The following MAP3K2 variants were observed in gnomAD, a reference collection of about 807,000 sequenced individuals.
MAP3K2 encodes mitogen-activated protein kinase kinase kinase 2.
A neutral mutation model predicts 80.3 loss-of-function variants in MAP3K2; 24 were observed. The ratio of observed to expected loss-of-function variants is 0.30; its 90% CI spans 0.22 to 0.42. MAP3K2 has a LOEUF of 0.42. MAP3K2 is among the 10% of genes least tolerant of loss of function. The pLI is 1.00. For missense variants in MAP3K2, 608 were observed against 750.1 expected, an observed-to-expected ratio of 0.81 and a Z score of 2.21; for synonymous variants, 244 against 253.7, an observed-to-expected ratio of 0.96 and a Z score of 0.36.
Position 127,307,498 on chromosome 2 carries a change from A to T in MAP3K2, c.*81T>A. Reference sequence around the variant, plus strand: ...TTTTCTCCCCCATCTCTCTTTTTTTATAAAAAAGAAAAGTGCAGTCAGAGA... The same window carrying T: ...TTTTCTCCCCCATCTCTCTTTTTTTTTAAAAAAGAAAAGTGCAGTCAGAGA... On this transcript the variant is annotated 3_prime_UTR_variant, in exon 17 of 17. Transcript: ENST00000682094. This position sits in a 1 kb window ranked among gnomAD's most constrained non-coding sequence, Gnocchi z 5.4. 1.3e-6 allele frequency: 1 copy of T among 782,916 alleles called. No homozygotes were observed. The allele number at this position is 782,916 out of a possible 1,614,324, so 48.5% of individuals were successfully genotyped here. A position where few individuals can be genotyped will look rare whatever the true frequency, so the allele number is the denominator to read the frequency against.
intron 1 of MAP3K2, among the ~76,000 whole-genome samples, chr2:127,371,309 C>A (rs374952163): frequency 6.6e-6 from 1 of 152,286 alleles, no homozygotes; most frequent in African/African-American, 2.4e-5. Context: ...TGCTATGCTC[C>A]AGGGGAGGCG....
At chr2:127,337,099 G>A (rs952148408) in intron 4 of MAP3K2, among the ~76,000 whole-genome samples, 9 of 151,768 alleles carry the variant, frequency 5.9e-5, no homozygotes, top group Admixed American at 1.3e-4. Context: ...CCAAAATCAC[G>A]CCATTGCACT....
intron 1 of MAP3K2, among the ~76,000 whole-genome samples, chr2:127,371,006 C>A (rs1553519235): frequency 6.6e-6 from 1 of 152,172 alleles, no homozygotes; most frequent in South Asian, 2.1e-4. Flanking sequence ...GAGCTCTTAG[C>A]CTGCCCAGTA....
intron 1 of MAP3K2, among the ~76,000 whole-genome samples, chr2:127,382,428 T>C (rs1687263536): frequency 6.6e-6 from 1 of 152,260 alleles, no homozygotes; most frequent in African/African-American, 2.4e-5. Flanking sequence ...ATTTCTCCTT[T>C]ATTTTTGAAA....
In MAP3K2 at chr2:127,307,478, T is replaced by C; in HGVS notation, c.*101A>G. On this transcript the variant is annotated 3_prime_UTR_variant, in exon 17 of 17. Transcript: ENST00000682094. This position sits in a 1 kb window ranked among gnomAD's most constrained non-coding sequence, Gnocchi z 5.4. The stretch of plus-strand genomic sequence containing the variant: ...AATACTTTCCCTCTTGTCTTTTTTC[T>C]CCCCCATCTCTCTTTTTTTATAAAA... 1.7e-6 allele frequency: 1 copy of C among 579,326 alleles called. No homozygotes were observed. The highest frequency in any genetic ancestry group is 4.0e-5 in the South Asian group (1 of 25,256). The allele number at this position is 579,326 out of a possible 1,614,324, so 35.9% of individuals were successfully genotyped here.
Position 127,365,116 on chromosome 2 carries a change from C to CAAAAAAAAAAAAAAAAAAAAAA in MAP3K2, c.-65-21944_-65-21923dup, listed in dbSNP as rs10558890. Among the ~76,000 whole-genome samples the CAAAAAAAAAAAAAAAAAAAAAA allele has an allele frequency of 1.3e-4, 4 of 31,656 alleles. 1 individual carries two copies. The highest frequency in any genetic ancestry group is 2.3e-4 in the Non-Finnish European group (4 of 17,146). 20.8% of individuals were successfully genotyped at this position (31,656 alleles called of 152,430 possible). ...TGGGCGACAGAGTGAGACTCTGCCTCAAAAAAAAAAAAAAAAAAAAAAAAA... is the reference window on the plus strand; with the variant it reads ...TGGGCGACAGAGTGAGACTCTGCCTCAAAAAAAAAAAAAAAAAAAAAAAAAAAAAAAAAAAAAAAAAAAAAAA... On this transcript the variant is annotated intron_variant, in intron 1 of 16. Transcript: ENST00000682094.
In MAP3K2 at chr2:127,300,420, AT is replaced by A. The variant is rs1312025250; in HGVS notation, c.*7158del. ...TAAATATAGAGAATTTAATGGCTAC[AT>A]TTAAAAATGTACATTATTATGTCAA... is the stretch of plus-strand genomic sequence containing the variant. On this transcript the variant is annotated 3_prime_UTR_variant, in exon 17 of 17. Coordinates refer to ENST00000682094, the MANE Select transcript of MAP3K2 (RefSeq NM_001371910.2). 1 of 152,118 alleles carries A rather than the reference AT, an allele frequency of 6.6e-6. No homozygotes were observed. Among genetic ancestry groups the A allele is most frequent in the East Asian group, 1.9e-4 (1 of 5,204 alleles). The allele number at this position is 152,118 out of a possible 1,614,324, so 9.4% of individuals were successfully genotyped here.
chr2:127,357,796 A>C (rs1042339998), intron 1 of MAP3K2, among the ~76,000 whole-genome samples: 2 of 152,174 alleles, frequency 1.3e-5, no homozygotes, highest in African/African-American at 4.8e-5. Context: ...CTGTCACCTC[A>C]TAACAGACAA....
At chr2:127,330,982 G>A (rs976566850) in intron 5 of MAP3K2, among the ~76,000 whole-genome samples, 5 of 152,132 alleles carry the variant, frequency 3.3e-5, no homozygotes, top group Admixed American at 2.0e-4. Flanking sequence ...CTGCCATGGA[G>A]GACAGCTGCC....
chr2:127,316,624 G>A (rs772328810), intron 14 of MAP3K2, among the ~76,000 whole-genome samples: 6 of 152,084 alleles, frequency 3.9e-5, no homozygotes, highest in Non-Finnish European at 5.9e-5. Context: ...ATTACTTTCT[G>A]GTGTGCAGGA....
In MAP3K2 at chr2:127,308,692, C is replaced by T. The variant is rs1282331301; in HGVS notation, c.1527G>A (p.Gln509=). 1.9e-6 allele frequency: 3 copies of T among 1,613,982 alleles called. No homozygotes were observed. Among genetic ancestry groups the T allele is most frequent in the Non-Finnish European group, 2.5e-6 (3 of 1,179,868 alleles). The change falls in exon 16 of 17, where the codon CAG becomes CAA. Residue 509 remains glutamine, a synonymous_variant. Coordinates refer to ENST00000682094, the MANE Select transcript of MAP3K2 (RefSeq NM_001371910.2). The part of the protein sequence containing the change: ...LGDFGASKRL[Q]TICLSGTGMK... ...TTCCTGTCCCTGAGAGACAGATGGT[C>T]TGAAGCCGTTTGCTGGCCCCAAAAT... is the stretch of plus-strand genomic sequence containing the variant.
intron 1 of MAP3K2, chr2:127,378,004 C>A (rs1392648164): frequency 1.0e-5 from 2 of 190,684 alleles, no homozygotes; most frequent in Non-Finnish European, 1.9e-5. Flanking sequence ...ATAACAGCAA[C>A]AAAAACTGTG....
chr2:127,371,377 T>C (rs1053506852), intron 1 of MAP3K2, among the ~76,000 whole-genome samples: 1 of 152,194 alleles, frequency 6.6e-6, no homozygotes, highest in Non-Finnish European at 1.5e-5. Context: ...ACAAGTGTCT[T>C]TGTGCGCTCT....
chr2:127,357,495 A>C (rs2104868188), intron 1 of MAP3K2, among the ~76,000 whole-genome samples: 1 of 152,324 alleles, frequency 6.6e-6, no homozygotes, highest in South Asian at 2.1e-4. Flanking sequence ...TGAATACAGA[A>C]GAATAGAACA....
chr2:127,342,532 A>C (rs1487502115), intron 2 of MAP3K2, among the ~76,000 whole-genome samples: 2 of 152,080 alleles, frequency 1.3e-5, no homozygotes, highest in African/African-American at 4.8e-5. Context: ...TTTAGCATCC[A>C]ACTACTCAGT....
chr2:127,349,098 AG>A (rs1686645547), intron 1 of MAP3K2, among the ~76,000 whole-genome samples: 1 of 152,190 alleles, frequency 6.6e-6, no homozygotes, highest in South Asian at 2.1e-4. Flanking sequence ...GAATTATCAA[AG>A]AAAAAATGTA....
At chr2:127,333,766 CA>C (rs1466216440) in intron 5 of MAP3K2, among the ~76,000 whole-genome samples, 1 of 152,100 alleles carries the variant, frequency 6.6e-6, no homozygotes, top group Non-Finnish European at 1.5e-5. Flanking sequence ...TAAAATGGAG[CA>C]GTTTTCCAAT....
chr2:127,308,027 A>G (rs1484172062), intron 16 of MAP3K2, among the ~76,000 whole-genome samples: 1 of 152,244 alleles, frequency 6.6e-6, no homozygotes, highest in Admixed American at 6.5e-5. Context: ...CGGTTGGGCA[A>G]AGAACATTAT....
chr2:127,373,580 T>G (rs1687101694), intron 1 of MAP3K2, among the ~76,000 whole-genome samples: 1 of 152,176 alleles, frequency 6.6e-6, no homozygotes, highest in Admixed American at 6.5e-5. Flanking sequence ...AAAGGGAAAT[T>G]GAAGAAGTAG....
Sources: gnomAD v4.1 joint callset for allele counts (sites outside exome capture counted in the v4.1 genomes callset) on GRCh38, gnomAD v4.1.1 for gene constraint, Gnocchi (gnomAD v3.1) non-coding constraint, MANE v1.5 for transcripts, NCBI Gene and HGNC (gene_info 2026-07-23, HGNC 2026-07-21) for gene names.